The following PTPN14 variants were observed in gnomAD, a reference collection of about 807,000 sequenced individuals.
The protein encoded by PTPN14 is protein tyrosine phosphatase non-receptor type 14, also known as tyrosine-protein phosphatase non-receptor type 14.
In PTPN14, 53 loss-of-function variants were observed where a neutral mutation model predicts 126.8. The ratio of observed to expected loss-of-function variants is 0.42; its 90% confidence interval spans 0.34 to 0.53. The LOEUF is 0.53. PTPN14 is among the 20% of genes least tolerant of loss of function. The pLI, the probability that PTPN14 is intolerant of heterozygous loss-of-function variation, is 0.08. For synonymous variants in PTPN14, 630 were observed against 599.3 expected, an observed-to-expected ratio of 1.05 and a Z score of -0.75; for missense variants, 1,257 against 1,552.9, an observed-to-expected ratio of 0.81 and a Z score of 3.20.
At chr1:214,367,243 G>T (rs557254034) in intron 17 of PTPN14, among the ~76,000 whole-genome samples, 1 of 152,244 alleles carries the variant, frequency 6.6e-6, no homozygotes, top group African/African-American at 2.4e-5. Flanking sequence ...GTTCTGTAAA[G>T]GTCACTGCCC....
chr1:214,529,832 C>T (rs1655494506), intron 1 of PTPN14: 1 of 151,852 alleles, frequency 6.6e-6, no homozygotes, highest in Admixed American at 6.6e-5. Flanking sequence ...TGCAGTGAGC[C>T]GAAGTGGCAC....
intron 2 of PTPN14, among the ~76,000 whole-genome samples, chr1:214,452,391 A>C (rs1660291564): frequency 6.6e-6 from 1 of 152,188 alleles, no homozygotes; most frequent in Non-Finnish European, 1.5e-5. Flanking sequence ...GTAACTTATT[A>C]CTCAATTCCT....
chr1:214,472,238 A>G (rs981375164), intron 1 of PTPN14, among the ~76,000 whole-genome samples: 1 of 152,066 alleles, frequency 6.6e-6, no homozygotes, highest in East Asian at 1.9e-4. Context: ...GCTTGGTGCT[A>G]TCCTCAGGAT....
At chr1:214,451,008 C>T (rs1336827582) in intron 3 of PTPN14, among the ~76,000 whole-genome samples, 1 of 152,190 alleles carries the variant, frequency 6.6e-6, no homozygotes, top group Non-Finnish European at 1.5e-5. Flanking sequence ...ATCAAAACTC[C>T]TGCTCTCGCA....
At chr1:214,499,641 T>C (rs762568981) in intron 1 of PTPN14, among the ~76,000 whole-genome samples, 5 of 152,210 alleles carry the variant, frequency 3.3e-5, no homozygotes, top group African/African-American at 9.6e-5. Context: ...AAGCTAACAC[T>C]TTACATGGTA....
chr1:214,523,187 T>G (rs577113671), intron 1 of PTPN14, among the ~76,000 whole-genome samples: 1 of 151,762 alleles, frequency 6.6e-6, no homozygotes, highest in African/African-American at 2.4e-5. Flanking sequence ...GAACCTGGCA[T>G]CCCGAGGTCA....
At chr1:214,542,104 C>CA (rs534415908) in intron 1 of PTPN14, among the ~76,000 whole-genome samples, 181 of 152,004 alleles carry the variant, frequency 1.2e-3, no homozygotes, top group Non-Finnish European at 2.0e-3. Context: ...TTTTACTACA[C>CA]ACACACACAT....
chr1:214,511,399 A>G (rs1289535248), intron 1 of PTPN14, among the ~76,000 whole-genome samples: 4 of 152,286 alleles, frequency 2.6e-5, no homozygotes, highest in Admixed American at 6.5e-5. Context: ...TAATAAGCAC[A>G]TGAAAGATGC....
At chr1:214,411,551 GC>G (rs1659309695) in intron 5 of PTPN14, 132 bp downstream of exon 5, 1 of 565,906 alleles carries the variant, frequency 1.8e-6, no homozygotes, top group African/African-American at 2.0e-5. Flanking sequence ...TATAAAACTT[GC>G]CCCTACTTTA....
chr1:214,521,895 T>G (rs1655267665), intron 1 of PTPN14, among the ~76,000 whole-genome samples: 1 of 150,532 alleles, frequency 6.6e-6, no homozygotes, highest in South Asian at 2.1e-4. Context: ...TTTTTGTTGT[T>G]TTTTTTTTTA....
At chr1:214,497,026 A>G (rs1654538352) in intron 1 of PTPN14, among the ~76,000 whole-genome samples, 1 of 152,172 alleles carries the variant, frequency 6.6e-6, no homozygotes, top group Non-Finnish European at 1.5e-5. Flanking sequence ...ATTTTATTAA[A>G]TAAATTAAAA....
intron 3 of PTPN14, among the ~76,000 whole-genome samples, chr1:214,440,501 G>A (rs1292766943): frequency 1.3e-5 from 2 of 152,234 alleles, no homozygotes; most frequent in African/African-American, 4.8e-5. Flanking sequence ...CTCTGCAGTA[G>A]AAAGTTGACA....
intron 2 of PTPN14, among the ~76,000 whole-genome samples, chr1:214,463,966 C>A (rs938352619): frequency 6.6e-6 from 1 of 152,150 alleles, no homozygotes; most frequent in African/African-American, 2.4e-5. Flanking sequence ...CTGTCAAAAA[C>A]AACATACTGC....
intron 2 of PTPN14, among the ~76,000 whole-genome samples, chr1:214,456,741 A>G (rs1165487478): frequency 1.3e-5 from 2 of 152,148 alleles, no homozygotes; most frequent in East Asian, 1.9e-4. Flanking sequence ...TTCACCCACA[A>G]TCTCTATACC....
intron 2 of PTPN14, among the ~76,000 whole-genome samples, chr1:214,459,552 C>T (rs1453521397): frequency 6.6e-6 from 1 of 151,696 alleles, no homozygotes; most frequent in South Asian, 2.1e-4. Flanking sequence ...TCACTGCAAC[C>T]TCCAACTCCC....
intron 1 of PTPN14, among the ~76,000 whole-genome samples, chr1:214,539,054 T>C (rs1655776844): frequency 6.6e-6 from 1 of 152,214 alleles, no homozygotes; most frequent in Admixed American, 6.5e-5. Flanking sequence ...AGTCTAGCTA[T>C]TTAAAAAATT....
intron 1 of PTPN14, among the ~76,000 whole-genome samples, chr1:214,485,966 TC>T (rs745814159): frequency 1.3e-4 from 20 of 152,124 alleles, no homozygotes; most frequent in Non-Finnish European, 2.5e-4. Flanking sequence ...GACCTCGTGA[TC>T]CGCCCGCCTT....
In PTPN14 at chr1:214,451,809, T is replaced by C. The variant is rs1161362278; in HGVS notation, c.340A>G (p.Thr114Ala). ...PNVSWLQQEA[T>A]RYQYYLQVKK... ...ACAGGGGGAAAATGCACCTACCTTG[T>C]GGCCTCTTGCTGAAGCCATGACACA... is the stretch of plus-strand genomic sequence containing the variant. The change falls in exon 3 of 19, where the codon ACA becomes GCA. Residue 114 changes from threonine to alanine, a missense_variant. Thr to Ala is a moderately conservative substitution (Grantham distance 58). Coordinates refer to ENST00000366956, the MANE Select transcript of PTPN14 (RefSeq NM_005401.5). 1 of 1,614,040 alleles carries C rather than the reference T, an allele frequency of 6.2e-7. No homozygotes were observed. The highest frequency in any genetic ancestry group is 8.5e-7 in the Non-Finnish European group (1 of 1,179,960).
intron 13 of PTPN14, among the ~76,000 whole-genome samples, chr1:214,382,421 A>G (rs1040770635): frequency 6.6e-6 from 1 of 152,212 alleles, no homozygotes; most frequent in Non-Finnish European, 1.5e-5. Flanking sequence ...TCCTGGGCTC[A>G]AGCGATCCTC....
Sources: allele counts gnomAD v4.1 joint callset (sites outside exome capture counted in the v4.1 genomes callset), GRCh38; gene constraint gnomAD v4.1.1; transcripts MANE v1.5; gene names NCBI Gene and HGNC (gene_info 2026-07-23, HGNC 2026-07-21).